The following CEP295NL variants were observed in gnomAD, a reference collection of about 807,000 sequenced individuals.
CEP295NL encodes the protein CEP295 N-terminal like.
Under a neutral mutation model 4.6 loss-of-function variants are expected in CEP295NL, and 3 were observed. That is an observed-to-expected ratio of 0.65 (90% confidence interval 0.30 to 1.69). The LOEUF is 1.69. Among genes scored for constraint, CEP295NL ranks in the 40% most tolerant of loss-of-function variants. The pLI is 0.10. For missense variants in CEP295NL, 719 were observed against 769.0 expected, an observed-to-expected ratio of 0.93 and a Z score of 0.77; for synonymous variants, 295 against 312.2, an observed-to-expected ratio of 0.94 and a Z score of 0.58.
rs1023657545 is a variant in CEP295NL, at chr17:78,890,735, C to T, written c.1769G>A (p.Arg590Gln). ...CTGTAAGATCTGCTGCTGCTGGTCT[C>T]GGATCATCTGACTGTGCCGGTCGTC... is the stretch of plus-strand genomic sequence containing the variant. ...ADDDRHSQMI[R>Q]DQQQQILQQN... is the part of the protein sequence containing the mutation. Residue 590 changes from arginine to glutamine, a missense_variant, in exon 3 of 3, where the codon CGA becomes CAA. Arg to Gln is a conservative substitution (Grantham distance 43). Transcript: ENST00000322630. 1.3e-6 allele frequency: 2 copies of T among 1,550,648 alleles called. No homozygotes were observed. The highest frequency in any genetic ancestry group is 2.0e-5 in the Admixed American group (1 of 51,010).
At chr17:78,897,726 C>T (rs558790127) in intron 2 of CEP295NL, 1 of 152,302 alleles carries the variant, frequency 6.6e-6, no homozygotes, top group Non-Finnish European at 1.5e-5. Context: ...CTCCTCAAGG[C>T]ATGAACTGGC....
In CEP295NL at chr17:78,891,437, T is replaced by C. The variant is rs1046338567; in HGVS notation, c.1067A>G (p.Lys356Arg). 2.8e-5 allele frequency: 43 copies of C among 1,550,956 alleles called. 2 individuals carry two copies. In the Admixed American group the frequency reaches 5.7e-4, roughly 21 times the overall value. The change falls in exon 3 of 3, where the codon AAA becomes AGA. Residue 356 changes from lysine (K) to arginine (R), a missense_variant. By Grantham distance (26) the Lys-to-Arg change is conservative. Transcript: ENST00000322630. The surrounding 1 kb of genome is among the most constrained non-coding windows in gnomAD (Gnocchi z 4.5). The stretch of plus-strand genomic sequence containing the variant: ...TGCCAGGTACAAGCACAGGTGTTTT[T>C]TCAGCTTTCTGTTTATATTAAACAA... Reference protein sequence around the residue: ...EELFNINRKLKKHLCLYLALK... With the variant: ...EELFNINRKLRKHLCLYLALK...
Position 78,896,403 on chromosome 17 carries a change from C to T in CEP295NL, c.45-3944G>A, listed in dbSNP as rs1370744236. ...GTCTCTCCAGCCCTGCCAGACAGGA[C>T]GTCGGGTGCCCTTGGCAGGACACTT... On this transcript the variant is annotated intron_variant, in intron 2 of 2. Transcript: ENST00000322630. The surrounding 1 kb of genome is among the most constrained non-coding windows in gnomAD (Gnocchi z 4.4). 6.6e-6 allele frequency among the ~76,000 whole-genome samples: 1 copy of T among 152,176 alleles called. No individual in the cohort carries two copies. The highest frequency in any genetic ancestry group is 2.4e-5 in the African/African-American group (1 of 41,432).
intron 1 of CEP295NL, chr17:78,902,742 CA>C (rs1259808617): frequency 6.6e-6 from 1 of 152,276 alleles, no homozygotes; most frequent in Non-Finnish European, 1.5e-5. Flanking sequence ...GCTCACTAAA[CA>C]TACCTCGACA....
Position 78,890,993 on chromosome 17 carries a change from C to A in CEP295NL, c.1511G>T (p.Arg504Met). Residue 504 changes from arginine (R) to methionine (M), a missense_variant, in exon 3 of 3, where the codon AGG becomes ATG. Arg to Met is a moderately conservative substitution (Grantham distance 91, BLOSUM62 -1). Coordinates refer to ENST00000322630, the MANE Select transcript of CEP295NL (RefSeq NM_001243540.2). ...DRVGSTASRQRQKAEMEQRRQ... is the reference protein window; with the variant it reads ...DRVGSTASRQMQKAEMEQRRQ... ...TCTCTGCTCCATCTCTGCTTTCTGC[C>A]TTTGCCTGGATGCCGTCGAGCCCAC... The A allele has an allele frequency of 6.4e-7, 1 of 1,551,174 alleles. No individual in the cohort carries two copies. Among genetic ancestry groups the A allele is most frequent in the South Asian group, 1.2e-5 (1 of 84,056 alleles).
In CEP295NL at chr17:78,896,007, G is replaced by A. The variant is rs758114534; in HGVS notation, c.45-3548C>T. Among the ~76,000 whole-genome samples, 7 of 152,250 alleles carry A rather than the reference G, an allele frequency of 4.6e-5. No individual in the cohort carries two copies. Among genetic ancestry groups the A allele is most frequent in the Admixed American group, 6.5e-5 (1 of 15,286 alleles). ...GGCGTGGGCATCCCAATGAAGCAGC[G>A]TCAGTTTTCCTGGAGACACGCAAAC... On this transcript the variant is annotated intron_variant, in intron 2 of 2. Transcript: ENST00000322630. This position sits in a 1 kb window ranked among gnomAD's most constrained non-coding sequence, Gnocchi z 4.4.
chr17:78,893,421 G>A (rs796912781), intron 2 of CEP295NL, among the ~76,000 whole-genome samples: 1,374 of 105,852 alleles, frequency 0.013, 69 homozygotes, highest in African/African-American at 0.084. Context: ...GCATAGGGGT[G>A]TGTGTGCAGG....
At chr17:78,893,309 A>G (rs1282523311) in intron 2 of CEP295NL, among the ~76,000 whole-genome samples, 48 of 50,550 alleles carry the variant, frequency 9.5e-4, no homozygotes, top group African/African-American at 2.4e-3. Flanking sequence ...GCAGGGGTGT[A>G]TGTGCAAGGG....
intron 2 of CEP295NL, among the ~76,000 whole-genome samples, chr17:78,893,196 C>T (rs1359310455): frequency 3.5e-5 from 3 of 86,476 alleles, no homozygotes; most frequent in Admixed American, 1.2e-4. Flanking sequence ...GGGGTGTGTG[C>T]AAGGATGTGT....
In CEP295NL at chr17:78,895,097, A is replaced by G. The variant is rs553637374; in HGVS notation, c.45-2638T>C. Among the ~76,000 whole-genome samples the G allele has an allele frequency of 3.3e-5, 5 of 152,230 alleles. No individual in the cohort carries two copies. The East Asian group carries it at 9.7e-4, about 29-fold the overall frequency. On this transcript the variant is annotated intron_variant, in intron 2 of 2. Transcript: ENST00000322630. ...GGAGTTCGAAAGCAGCCTAACCAACATGGTGAAACCCCGTCTCTACTAAAA... is the reference window on the plus strand; with the variant it reads ...GGAGTTCGAAAGCAGCCTAACCAACGTGGTGAAACCCCGTCTCTACTAAAA...
intron 2 of CEP295NL, chr17:78,898,165 T>A (rs1476284831): frequency 6.6e-6 from 1 of 152,258 alleles, no homozygotes; most frequent in Non-Finnish European, 1.5e-5. Flanking sequence ...CAGGGTTTCA[T>A]ACTCTTCCGG....
Position 78,896,531 on chromosome 17 carries a change from G to A in CEP295NL, c.45-4072C>T, listed in dbSNP as rs939651495. On this transcript the variant is annotated intron_variant, in intron 2 of 2. Coordinates refer to ENST00000322630, the MANE Select transcript of CEP295NL (RefSeq NM_001243540.2). This position sits in a 1 kb window ranked among gnomAD's most constrained non-coding sequence, Gnocchi z 4.4. ...GCTTAGAATATTCTAGAAGGGGCAG[G>A]GGTCCTGGCGCTCCTCTGTCCTCCA... Among the ~76,000 whole-genome samples the A allele has an allele frequency of 2.6e-5, 4 of 152,098 alleles. No individual in the cohort carries two copies. Among genetic ancestry groups the A allele is most frequent in the African/African-American group, 9.7e-5 (4 of 41,402 alleles).
At position 78,901,819 on chromosome 17, in the gene CEP295NL, C is replaced by A. The variant is rs146510224; in HGVS notation, c.10G>T (p.Gly4Trp). Residue 4 changes from glycine to tryptophan, a missense_variant, in exon 2 of 3, where the codon GGG becomes TGG. Gly to Trp is a radical substitution (Grantham distance 184, BLOSUM62 -2). Transcript: ENST00000322630. The part of the protein sequence containing the change: MCS[G>W]WSSSVIWRHT... ...CTCCAGATGACTGAGCTAGACCACC[C>A]AGAACACATTACAGGGAGGCAGAAG... 86 of 715,732 alleles carry A rather than the reference C, an allele frequency of 1.2e-4. No homozygotes were observed. The African/African-American group carries it at 1.4e-3, about 12-fold the overall frequency. The allele number at this position is 715,732 out of a possible 1,614,324, so 44.3% of individuals were successfully genotyped here. A position where few individuals can be genotyped will look rare whatever the true frequency, so the allele number is the denominator to read the frequency against.
In CEP295NL at chr17:78,890,861, G is replaced by A. The variant is rs1193836110; in HGVS notation, c.1643C>T (p.Ala548Val). Residue 548 changes from alanine to valine, a missense_variant, in exon 3 of 3, where the codon GCT (alanine) becomes GTT (valine). Physicochemically the swap from Ala to Val is moderately conservative, Grantham distance 64. Coordinates refer to ENST00000322630, the MANE Select transcript of CEP295NL (RefSeq NM_001243540.2). ...GGAGGACTTCAGATGGGCCAGTCGAGCTCTTCTTTGCTCCCTCCTCTCTTT... is the reference window on the plus strand; with the variant it reads ...GGAGGACTTCAGATGGGCCAGTCGAACTCTTCTTTGCTCCCTCCTCTCTTT... ...LEKERREQRR[A>V]RLAHLKSSST... 4 of 1,550,516 alleles carry A rather than the reference G, an allele frequency of 2.6e-6. No individual in the cohort carries two copies. Among genetic ancestry groups the A allele is most frequent in the Non-Finnish European group, 3.5e-6 (4 of 1,147,032 alleles).
intron 2 of CEP295NL, among the ~76,000 whole-genome samples, chr17:78,893,146 C>G (rs1169345906): frequency 7.1e-5 from 8 of 112,036 alleles, no homozygotes; most frequent in Non-Finnish European, 1.3e-4. Context: ...TGTGTGCGTA[C>G]ATGTGTGTGC....
At position 78,891,514 on chromosome 17, in the gene CEP295NL, C is replaced by A. The variant is rs888207186; in HGVS notation, c.990G>T (p.Thr330=). The A allele has an allele frequency of 1.3e-6, 2 of 1,551,188 alleles. No individual in the cohort carries two copies. The highest frequency in any genetic ancestry group is 2.0e-5 in the Admixed American group (1 of 51,006). Residue 330 remains threonine (T), a synonymous_variant, in exon 3 of 3, where the codon ACG becomes ACT. Coordinates refer to ENST00000322630, the MANE Select transcript of CEP295NL (RefSeq NM_001243540.2). This position sits in a 1 kb window ranked among gnomAD's most constrained non-coding sequence, Gnocchi z 4.5. Reference sequence around the variant, plus strand: ...TCTGCCACTTGTTCTTCTCCCGGAGCGTGCACTGAGATGCTGGGGACACGG... The same window carrying A: ...TCTGCCACTTGTTCTTCTCCCGGAGAGTGCACTGAGATGCTGGGGACACGG... ...REAVSPASQC[T]LREKNKWQKE...
In CEP295NL at chr17:78,891,994, A is replaced by G. The variant is rs1021106466; in HGVS notation, c.510T>C (p.His170=). The G allele has an allele frequency of 7.1e-6, 11 of 1,550,328 alleles. No homozygotes were observed. Among genetic ancestry groups the G allele is most frequent in the South Asian group, 3.6e-5 (3 of 84,062 alleles). ...TCCTCTCTTCACTAAGGGCTGCTCT[A>G]TGCTTCTCCTTGGCCCTCGGGGGCC... is the stretch of plus-strand genomic sequence containing the variant. The part of the protein sequence containing the change: ...SARPPRAKEK[H]RAALSEERSC... The change falls in exon 3 of 3, where the codon CAT becomes CAC. Residue 170 remains histidine, a synonymous_variant. Transcript: ENST00000322630. The surrounding 1 kb of genome is among the most constrained non-coding windows in gnomAD (Gnocchi z 4.5).
chr17:78,893,153 G>A (rs1199112440), intron 2 of CEP295NL, among the ~76,000 whole-genome samples: 1 of 149,988 alleles, frequency 6.7e-6, no homozygotes, highest in African/African-American at 2.4e-5. Context: ...GTACATGTGT[G>A]TGCAGGGGTG....
intron 2 of CEP295NL, among the ~76,000 whole-genome samples, 152 bp downstream of exon 2, chr17:78,901,633 A>G (rs1006648554): frequency 6.6e-6 from 1 of 152,166 alleles, no homozygotes; most frequent in Non-Finnish European, 1.5e-5. Context: ...TAAGAGTACT[A>G]TGTGACCTAG....
Sources: allele counts gnomAD v4.1 joint callset (sites outside exome capture counted in the v4.1 genomes callset), GRCh38; gene constraint gnomAD v4.1.1; non-coding constraint Gnocchi (gnomAD v3.1); transcripts MANE v1.5; gene names NCBI Gene and HGNC (gene_info 2026-07-23, HGNC 2026-07-21).